LANCL3: variants seen among roughly 807,000 people sequenced by gnomAD.
The protein encoded by LANCL3 is lanC-like protein 3.
Under a neutral mutation model 26.5 loss-of-function variants are expected in LANCL3, and 19 were observed. That is an observed-to-expected ratio of 0.72 (90% confidence interval 0.50 to 1.05). LANCL3 has a LOEUF of 1.05. Among genes scored for constraint, LANCL3 ranks in the 50% least tolerant of loss-of-function variants. LANCL3 has a pLI of 0.00. For synonymous variants in LANCL3, 160 were observed against 166.6 expected (o/e 0.96, Z 0.30); for missense variants, 318 against 362.7 (o/e 0.88, Z 1.00).
rs1402196970 is a variant in LANCL3 at position 37,662,360 on chromosome X, A to G, written c.895+2701A>G. 2.7e-5 allele frequency among the ~76,000 whole-genome samples: 3 copies of G among 112,508 alleles called. No homozygotes were observed. The Admixed American group carries it at 2.8e-4, about 11-fold the overall frequency. On this transcript the variant is annotated intron_variant, in intron 3 of 4. Transcript: ENST00000378619. ...CATCATTGCTGTGGTAACACTGACA[A>G]TGCATTTCCTTGACTCTGCATGAAG...
chrX:37,659,161 C>T (rs984967), intron 2 of LANCL3, among the ~76,000 whole-genome samples: 36,914 of 111,586 alleles, frequency 0.33, 6,859 homozygotes, highest in African/African-American at 0.73. Flanking sequence ...GGCCGTATGG[C>T]CTCTGTCACA....
At chrX:37,582,969 A>G (rs1556417278) in intron 1 of LANCL3, among the ~76,000 whole-genome samples, 1 of 111,882 alleles carries the variant, frequency 8.9e-6, no homozygotes, top group Admixed American at 9.4e-5. Context: ...TTAAGTCTTT[A>G]ATCCATCTTG....
In LANCL3 at chrX:37,572,401, C is replaced by T. The variant is rs782590607; in HGVS notation, c.531C>T (p.Tyr177=). ...SDELFVGRAG[Y]LCAALVLKQK... ...AGCTGTTCGTGGGCCGCGCGGGTTACCTGTGTGCCGCGCTGGTGCTCAAGC... is the reference window on the plus strand; with the variant it reads ...AGCTGTTCGTGGGCCGCGCGGGTTATCTGTGTGCCGCGCTGGTGCTCAAGC... The change falls in exon 1 of 5, where the codon TAC becomes TAT. Residue 177 remains tyrosine, a synonymous_variant. Coordinates refer to ENST00000378619, the MANE Select transcript of LANCL3 (RefSeq NM_001170331.2). 1.0e-5 allele frequency: 12 copies of T among 1,177,467 alleles called. No individual in the cohort carries two copies. The highest frequency in any genetic ancestry group is 1.4e-5 in the Non-Finnish European group (12 of 878,208).
chrX:37,621,050 C>T (rs1402669245), intron 1 of LANCL3, among the ~76,000 whole-genome samples: 1 of 111,645 alleles, frequency 9.0e-6, no homozygotes, highest in African/African-American at 3.3e-5. Context: ...TCTGTCACAT[C>T]AGTAGTCAGT....
chrX:37,677,851 G>A lies in LANCL3; in HGVS notation c.*2038G>A, dbSNP rs1342721522. 1 of 111,737 alleles carries A rather than the reference G, an allele frequency of 8.9e-6. No individual in the cohort carries two copies. The highest frequency in any genetic ancestry group is 1.9e-5 in the Non-Finnish European group (1 of 53,019). 9.2% of individuals were successfully genotyped at this position (111,737 alleles called of 1,213,427 possible). A position where few individuals can be genotyped will look rare whatever the true frequency, so the allele number is the denominator to read the frequency against. On this transcript the variant is annotated 3_prime_UTR_variant, in exon 5 of 5. Coordinates refer to ENST00000378619, the MANE Select transcript of LANCL3 (RefSeq NM_001170331.2). The stretch of plus-strand genomic sequence containing the variant: ...TTCAGTATTCTAGACTAGAATCTGG[G>A]GATACAATAGTGAACAAAATAAACT...
intron 1 of LANCL3, among the ~76,000 whole-genome samples, chrX:37,649,992 A>T (rs1556428266): frequency 9.0e-6 from 1 of 110,633 alleles, no homozygotes; most frequent in African/African-American, 3.3e-5. Flanking sequence ...ACTCTTTGTA[A>T]TCCACTGGGG....
rs180827413 is a variant in LANCL3, at chrX:37,609,704, C to G, written c.573+37261C>G. Among the ~76,000 whole-genome samples, 3 of 110,804 alleles carry G rather than the reference C, an allele frequency of 2.7e-5. No individual in the cohort carries two copies. The Admixed American group carries it at 2.9e-4, about 11-fold the overall frequency. ...GAGTGGATGGGATAAAAAAAAACCC[C>G]TATATGTATAGTGACACACTATACA... On this transcript the variant is annotated intron_variant, in intron 1 of 4. Transcript: ENST00000378619.
chrX:37,668,827 G>T (rs1281877252), intron 4 of LANCL3, among the ~76,000 whole-genome samples: 7 of 111,721 alleles, frequency 6.3e-5, no homozygotes, highest in Non-Finnish European at 1.3e-4. Flanking sequence ...TTATTAAAAT[G>T]AGCTAAGTGA....
chrX:37,617,543 G>A (rs1053624035), intron 1 of LANCL3, among the ~76,000 whole-genome samples: 1 of 111,590 alleles, frequency 9.0e-6, no homozygotes, highest in African/African-American at 3.3e-5. Context: ...CTTTTCTAGA[G>A]GCCTCCCAGC....
chrX:37,595,281 G>A (rs1244632194), intron 1 of LANCL3, among the ~76,000 whole-genome samples: 1 of 112,140 alleles, frequency 8.9e-6, no homozygotes, highest in Non-Finnish European at 1.9e-5. Context: ...TACAGATGAC[G>A]TGTTTTTAAT....
intron 1 of LANCL3, among the ~76,000 whole-genome samples, chrX:37,645,292 C>G (rs1473349316): frequency 1.8e-5 from 2 of 112,273 alleles, no homozygotes; most frequent in African/African-American, 6.5e-5. Flanking sequence ...AAATTCCATG[C>G]TGAATCCCTT....
chrX:37,587,524 G>A (rs1924135283), intron 1 of LANCL3, among the ~76,000 whole-genome samples: 2 of 112,800 alleles, frequency 1.8e-5, no homozygotes, highest in Admixed American at 1.9e-4. Flanking sequence ...CCTTGCTGCT[G>A]CCGTGCAGTT....
chrX:37,572,636 GTC>G (rs1923636131), intron 1 of LANCL3, among the ~76,000 whole-genome samples, 193 bp downstream of exon 1: 1 of 112,279 alleles, frequency 8.9e-6, no homozygotes, highest in East Asian at 2.8e-4. Context: ...GTCGTTTTCA[GTC>G]TCTCATTTGT....
chrX:37,586,234 T>C (rs1343123975), intron 1 of LANCL3, among the ~76,000 whole-genome samples: 7 of 111,747 alleles, frequency 6.3e-5, no homozygotes, highest in African/African-American at 2.3e-4. Flanking sequence ...TTAACGTTTT[T>C]TCCTTCATTT....
intron 1 of LANCL3, among the ~76,000 whole-genome samples, chrX:37,618,454 TG>T (rs1170167637): frequency 8.9e-6 from 1 of 111,871 alleles, no homozygotes; most frequent in Admixed American, 9.5e-5. Flanking sequence ...CAAAGTACCA[TG>T]GATTAGGTGG....
chrX:37,596,398 T>C (rs1924429517), intron 1 of LANCL3, among the ~76,000 whole-genome samples: 1 of 112,399 alleles, frequency 8.9e-6, no homozygotes. Context: ...ATTTTGCTTT[T>C]GAGCTTAAGG....
intron 1 of LANCL3, among the ~76,000 whole-genome samples, chrX:37,642,647 G>T (rs902001602): frequency 8.9e-5 from 10 of 111,871 alleles, no homozygotes; most frequent in African/African-American, 2.6e-4. Context: ...TGAAGCTCCT[G>T]CAGATTCCTC....
chrX:37,650,834 A>T (rs1258893332), intron 1 of LANCL3, among the ~76,000 whole-genome samples: 1 of 106,147 alleles, frequency 9.4e-6, no homozygotes, highest in Non-Finnish European at 1.9e-5. Context: ...GGTGTGCTGC[A>T]CCCATTAACT....
intron 4 of LANCL3, among the ~76,000 whole-genome samples, chrX:37,672,033 A>G (rs1263232365): frequency 8.9e-6 from 1 of 112,087 alleles, no homozygotes; most frequent in African/African-American, 3.2e-5. Flanking sequence ...AATGAATGAA[A>G]TTCATTTATT....
Sources: allele counts gnomAD v4.1 joint callset (sites outside exome capture counted in the v4.1 genomes callset), GRCh38; gene constraint gnomAD v4.1.1; transcripts MANE v1.5; gene names NCBI Gene and HGNC (gene_info 2026-07-23, HGNC 2026-07-21).